The following SAMD3 variants were observed in gnomAD, a reference collection of about 807,000 sequenced individuals.
SAMD3 encodes sterile alpha motif domain-containing protein 3.
Under a neutral mutation model 58.5 loss-of-function variants are expected in SAMD3, and 63 were observed. That is an observed-to-expected ratio of 1.08 (90% CI 0.88 to 1.33). SAMD3 has a LOEUF of 1.33. Ranked by LOEUF, SAMD3 falls within the 40% of genes most tolerant of loss-of-function variation. The pLI is 0.00. For missense variants in SAMD3, 604 were observed against 608.4 expected (o/e 0.99, Z 0.08); for synonymous variants, 220 against 210.3 (o/e 1.05, Z -0.40).
intron 2 of SAMD3, among the ~76,000 whole-genome samples, chr6:130,308,363 C>T (rs183353714): frequency 3.6e-4 from 19 of 52,322 alleles, no homozygotes; most frequent in South Asian, 7.1e-4. Context: ...CTATTCTATT[C>T]TATTCTATTC....
At chr6:130,326,856 A>C (rs1776777015) in intron 1 of SAMD3, among the ~76,000 whole-genome samples, 1 of 152,198 alleles carries the variant, frequency 6.6e-6, no homozygotes, top group African/African-American at 2.4e-5. Context: ...CCAGTCATCC[A>C]ACCACAGGCA....
intron 5 of SAMD3, among the ~76,000 whole-genome samples, chr6:130,197,242 G>A (rs1408073170): frequency 9.2e-5 from 14 of 152,116 alleles, no homozygotes; most frequent in African/African-American, 1.9e-4. Context: ...CTTAGACTGT[G>A]CCCCAAAAAA....
intron 8 of SAMD3, among the ~76,000 whole-genome samples, chr6:130,164,290 T>C (rs950224579): frequency 1.2e-4 from 19 of 152,322 alleles, no homozygotes; most frequent in Middle Eastern, 3.4e-3. Context: ...TTAGAAAGAA[T>C]CTTCAAATAA....
In SAMD3 at chr6:130,221,101, A is replaced by G. The variant is rs543193340; in HGVS notation, c.-68+1593T>C. On this transcript the variant is annotated intron_variant, in intron 1 of 11. Coordinates refer to ENST00000439090, the MANE Select transcript of SAMD3 (RefSeq NM_001017373.4). The stretch of plus-strand genomic sequence containing the variant: ...GATCTCCTGACCTTGTGATCTGCCC[A>G]CCTTGGCCTCCCAAAGTGCTGGGAT... 2.5e-3 allele frequency among the ~76,000 whole-genome samples: 373 copies of G among 152,028 alleles called. 1 individual carries two copies. The highest frequency in any genetic ancestry group is 0.017 in the Middle Eastern group (5 of 294).
chr6:130,243,430 C>G (rs1314362674), intron 2 of SAMD3, among the ~76,000 whole-genome samples: 6 of 152,086 alleles, frequency 3.9e-5, no homozygotes, highest in Non-Finnish European at 8.8e-5. Context: ...GAATACAAGA[C>G]AGAGGGGAAG....
Position 130,214,434 on chromosome 6 carries a change from C to A in SAMD3, c.172G>T (p.Asp58Tyr), listed in dbSNP as rs749961553. The stretch of plus-strand genomic sequence containing the variant: ...TTCTGCTTGTATTTTTTAATTAAAT[C>A]CATCAGAACAGCCTGGTGCCCAATT... ...KKIGHQAVLM[D>Y]LIKKYKQNTQ... The change falls in exon 4 of 12, where the codon GAT becomes TAT. Residue 58 changes from aspartate to tyrosine, a missense_variant. By Grantham distance (160) the Asp-to-Tyr change is radical. Transcript: ENST00000439090. 112 of 1,613,064 alleles carry A rather than the reference C, an allele frequency of 6.9e-5. No homozygotes were observed. Among genetic ancestry groups the A allele is most frequent in the Non-Finnish European group, 9.4e-5 (111 of 1,179,548 alleles).
intron 5 of SAMD3, among the ~76,000 whole-genome samples, chr6:130,188,113 TA>T (rs1793171781): frequency 6.6e-6 from 1 of 152,214 alleles, no homozygotes; most frequent in South Asian, 2.1e-4. Context: ...GGCATTTTCA[TA>T]AAAAAGCTAA....
At chr6:130,190,832 C>G (rs1452523387) in intron 5 of SAMD3, among the ~76,000 whole-genome samples, 1 of 151,908 alleles carries the variant, frequency 6.6e-6, no homozygotes, top group Non-Finnish European at 1.5e-5. Flanking sequence ...GTAGAGCTGG[C>G]CAATGGCTTC....
intron 1 of SAMD3, among the ~76,000 whole-genome samples, chr6:130,318,462 T>C (rs542093124): frequency 3.0e-4 from 46 of 152,310 alleles, no homozygotes; most frequent in African/African-American, 1.1e-3. Context: ...AAAGTCTCAC[T>C]CTGTCGCCCA....
At chr6:130,337,781 C>T (rs1045563445) in intron 1 of SAMD3, among the ~76,000 whole-genome samples, 2 of 152,094 alleles carry the variant, frequency 1.3e-5, no homozygotes, top group African/African-American at 4.8e-5. Context: ...TTTGCCCGTG[C>T]CGTAGAGATC....
rs768915277 is a variant in SAMD3 at position 130,209,511 on chromosome 6, T to G, written c.367A>C (p.Arg123=). Reference sequence around the variant, plus strand: ...TACCCCCACCTCTGTTTCAATACTCTTTGGTCAATTAGTCCATTATCAAGG... The same window carrying G: ...TACCCCCACCTCTGTTTCAATACTCGTTGGTCAATTAGTCCATTATCAAGG... ...ENLDNGLIDQ[R]VLKQRRNVKQ... The change falls in exon 5 of 12, where the codon AGA becomes CGA. Residue 123 remains arginine, a synonymous_variant. Transcript: ENST00000439090. 5 of 1,607,380 alleles carry G rather than the reference T, an allele frequency of 3.1e-6. No individual in the cohort carries two copies. The highest frequency in any genetic ancestry group is 4.3e-6 in the Non-Finnish European group (5 of 1,173,986).
At chr6:130,285,177 C>A (rs1306137451) in intron 2 of SAMD3, among the ~76,000 whole-genome samples, 3 of 152,036 alleles carry the variant, frequency 2.0e-5, no homozygotes, top group African/African-American at 7.2e-5. Flanking sequence ...ATAGTAGACA[C>A]CAAGTGGAGA....
At chr6:130,243,375 C>T (rs1773430317) in intron 2 of SAMD3, among the ~76,000 whole-genome samples, 1 of 152,132 alleles carries the variant, frequency 6.6e-6, no homozygotes, top group South Asian at 2.1e-4. Context: ...TCTACCTCTA[C>T]CTCTACCTCC....
chr6:130,187,703 T>C (rs1187579305), intron 5 of SAMD3, among the ~76,000 whole-genome samples: 1 of 152,224 alleles, frequency 6.6e-6, no homozygotes, highest in Non-Finnish European at 1.5e-5. Flanking sequence ...ATTCATAATA[T>C]TTTTATTAAG....
At chr6:130,176,096 T>C (rs746389108) in intron 7 of SAMD3, 88 bp from the exon 8 acceptor site, 20 of 1,006,180 alleles carry the variant, frequency 2.0e-5, no homozygotes, top group Admixed American at 9.2e-5. Flanking sequence ...AATACATACC[T>C]ATCATCTTTG....
intron 2 of SAMD3, among the ~76,000 whole-genome samples, chr6:130,310,801 T>G (rs1371843617): frequency 1.3e-5 from 2 of 152,180 alleles, no homozygotes; most frequent in Non-Finnish European, 2.9e-5. Flanking sequence ...TAAATGTATA[T>G]TTATTAACAT....
chr6:130,359,798 G>T (rs147681523), intron 1 of SAMD3, among the ~76,000 whole-genome samples: 1 of 152,184 alleles, frequency 6.6e-6, no homozygotes, highest in African/African-American at 2.4e-5. Context: ...TTATCACAAG[G>T]CTGTTTCCTT....
At chr6:130,162,928 C>T (rs968910363) in intron 8 of SAMD3, among the ~76,000 whole-genome samples, 1 of 152,094 alleles carries the variant, frequency 6.6e-6, no homozygotes, top group Non-Finnish European at 1.5e-5. Flanking sequence ...TAATTTTTAA[C>T]AAATTTAATT....
intron 1 of SAMD3, among the ~76,000 whole-genome samples, chr6:130,321,367 AT>A (rs1343196626): frequency 6.6e-6 from 1 of 152,134 alleles, no homozygotes; most frequent in African/African-American, 2.4e-5. Flanking sequence ...CTTGGAAATG[AT>A]TGCAGCCCCA....
Sources: gnomAD v4.1 joint callset for allele counts (sites outside exome capture counted in the v4.1 genomes callset) on GRCh38, gnomAD v4.1.1 for gene constraint, MANE v1.5 for transcripts, NCBI Gene and HGNC (gene_info 2026-07-23, HGNC 2026-07-21) for gene names.